Variants in UBE3A observed in about 807,000 individuals in gnomAD.
The protein encoded by UBE3A is ubiquitin protein ligase E3A.
Under a neutral mutation model 83.4 loss-of-function variants are expected in UBE3A, and 6 were observed. That is an observed-to-expected ratio of 0.07 (90% CI 0.04 to 0.14). UBE3A has a LOEUF of 0.14. Among genes scored for constraint, UBE3A ranks in the 10% least tolerant of loss-of-function variants. The probability of loss-of-function intolerance (pLI) is 1.00; values close to 1 mark genes in which losing one functional copy is unlikely to be tolerated. For synonymous variants in UBE3A, 337 were observed against 355.4 expected (o/e 0.95, Z 0.58); for missense variants, 456 against 1,036.1 (o/e 0.44, Z 7.69).
At chr15:25,420,598 TA>T (rs759878697) in intron 1 of UBE3A, 88 of 152,208 alleles carry the variant, frequency 5.8e-4, no homozygotes, top group Non-Finnish European at 1.1e-3. Flanking sequence ...ATTAAGACCA[TA>T]ATGACTTTTT....
At chr15:25,432,781 T>C (rs1400467771) in intron 1 of UBE3A, among the ~76,000 whole-genome samples, 1 of 152,202 alleles carries the variant, frequency 6.6e-6, no homozygotes, top group Admixed American at 6.5e-5. Context: ...CCTACTTGTA[T>C]GAGTGTTCAG....
chr15:25,421,246 C>A (rs551791555), intron 1 of UBE3A, among the ~76,000 whole-genome samples: 131 of 152,270 alleles, frequency 8.6e-4, no homozygotes, highest in Non-Finnish European at 1.5e-3. Flanking sequence ...ATATGACACG[C>A]CTGCTCCCCC....
chr15:25,338,966 A>G lies in UBE3A; in HGVS notation c.*171T>C. ...TGTTCCAGCCCACATGTCCCCAATA[A>G]AGAAGGGAGGCACAGACATAGGTGA... On this transcript the variant is annotated 3_prime_UTR_variant, in exon 13 of 13. Coordinates refer to ENST00000648336, the MANE Select transcript of UBE3A (RefSeq NM_130839.5). 1 of 545,470 alleles carries G rather than the reference A, an allele frequency of 1.8e-6. No homozygotes were observed. The highest frequency in any genetic ancestry group is 3.8e-5 in the South Asian group (1 of 26,614). 33.8% of individuals were successfully genotyped at this position (545,470 alleles called of 1,614,324 possible).
In UBE3A at chr15:25,354,358, C is replaced by G; in HGVS notation, c.2349G>C (p.Leu783=). The stretch of plus-strand genomic sequence containing the variant: ...TGAAGAACTAAGTACCTCACCTAAT[C>G]AGAACAGAGTCCCTGGTATAGCCAC... ...YDGGYTRDSV[L]IREFWEIVHS... is the part of the protein sequence containing the mutation. Residue 783 remains leucine (L), a synonymous_variant, in exon 11 of 13, where the codon CTG becomes CTC. Coordinates refer to ENST00000648336, the MANE Select transcript of UBE3A (RefSeq NM_130839.5). 1.2e-6 allele frequency: 2 copies of G among 1,613,160 alleles called. No homozygotes were observed. Among genetic ancestry groups the G allele is most frequent in the South Asian group, 2.2e-5 (2 of 91,034 alleles).
At chr15:25,367,163 G>A (rs904229591) in intron 6 of UBE3A, among the ~76,000 whole-genome samples, 4 of 99,482 alleles carry the variant, frequency 4.0e-5, no homozygotes, top group Admixed American at 2.2e-4. Context: ...ACACAAATGG[G>A]TATATTTACA....
intron 1 of UBE3A, chr15:25,437,990 G>C (rs74878801): frequency 6.6e-6 from 1 of 152,350 alleles, no homozygotes; most frequent in East Asian, 1.9e-4. Context: ...CAACCCTTGG[G>C]CTTGACATAC....
At position 25,360,515 on chromosome 15, in the gene UBE3A, C is replaced by T. The variant is rs755392575; in HGVS notation, c.1621G>A (p.Ala541Thr). Residue 541 changes from alanine to threonine, a missense_variant, in exon 7 of 13, where the codon GCT (alanine) becomes ACT (threonine). This residue lies in a region of UBE3A where 58 missense variants were observed against 237.1 expected (regional missense o/e 0.24). Transcript: ENST00000648336. Reference protein sequence around the residue: ...DDALVRLEMIAMENPADLKKQ... With the variant: ...DDALVRLEMITMENPADLKKQ... The stretch of plus-strand genomic sequence containing the variant: ...TTCAAGTCTGCAGGATTTTCCATAG[C>T]GATCATCTCTAGCTAGTGATTGAAA... 1 of 1,613,430 alleles carries T rather than the reference C, an allele frequency of 6.2e-7. No individual in the cohort carries two copies. Among genetic ancestry groups the T allele is most frequent in the South Asian group, 1.1e-5 (1 of 91,070 alleles).
At chr15:25,359,103 T>C (rs149662890) in intron 7 of UBE3A, among the ~76,000 whole-genome samples, 1 of 152,290 alleles carries the variant, frequency 6.6e-6, no homozygotes, top group East Asian at 1.9e-4. Context: ...AACCTCCTGG[T>C]AAAATACTCC....
At chr15:25,367,898 G>A (rs925304522) in intron 6 of UBE3A, among the ~76,000 whole-genome samples, 1 of 152,004 alleles carries the variant, frequency 6.6e-6, no homozygotes, top group South Asian at 2.1e-4. Context: ...ACATACAAGA[G>A]TCTCATATAT....
intron 3 of UBE3A, chr15:25,407,503 A>G (rs2088915870): frequency 6.4e-6 from 1 of 155,328 alleles, no homozygotes; most frequent in Admixed American, 6.5e-5. Flanking sequence ...TTATCAAATG[A>G]TAACTACATC....
At chr15:25,388,119 A>G (rs1296632679) in intron 4 of UBE3A, among the ~76,000 whole-genome samples, 1 of 152,218 alleles carries the variant, frequency 6.6e-6, no homozygotes, top group Non-Finnish European at 1.5e-5. Flanking sequence ...GTATGAAGTC[A>G]GCATTACTCT....
At chr15:25,353,265 G>A (rs1473140566) in intron 11 of UBE3A, among the ~76,000 whole-genome samples, 1 of 152,148 alleles carries the variant, frequency 6.6e-6, no homozygotes, top group Non-Finnish European at 1.5e-5. Flanking sequence ...CCAGAAAGAA[G>A]AAATACTGGT....
chr15:25,387,349 G>A (rs11858841), intron 4 of UBE3A, among the ~76,000 whole-genome samples: 18,152 of 151,892 alleles, frequency 0.12, 1,430 homozygotes, highest in East Asian at 0.43. Context: ...GTGAAACCCC[G>A]TCTCTACTAA....
rs2081117253 is a variant in UBE3A at position 25,375,861 on chromosome 15, G to C, written c.63-98C>G. The C allele has an allele frequency of 2.2e-6, 3 of 1,363,448 alleles. No homozygotes were observed. The Admixed American group carries it at 5.5e-5, about 25-fold the overall frequency. 84.5% of individuals were successfully genotyped at this position (1,363,448 alleles called of 1,614,324 possible). On this transcript the variant is annotated intron_variant, in intron 4 of 12. Transcript: ENST00000648336. Reference sequence around the variant, plus strand: ...AGGCAAAAGTTAGTCAAGCACTGAAGTGATTAACCTGTGTATGAAGATGAG... The same window carrying C: ...AGGCAAAAGTTAGTCAAGCACTGAACTGATTAACCTGTGTATGAAGATGAG...
chr15:25,407,206 T>C, intron 3 of UBE3A: 1 of 1,309,468 alleles, frequency 7.6e-7, no homozygotes, highest in South Asian at 1.2e-5. Flanking sequence ...CAGCATCAGA[T>C]GTCATACTGT....
At position 25,334,533 on chromosome 15, in the gene UBE3A, G is replaced by A. The variant is rs2073866544; in HGVS notation, c.*4604C>T. On this transcript the variant is annotated 3_prime_UTR_variant, in exon 13 of 13. Transcript: ENST00000648336. ...TATCAAGATCCCAGCTGTTTTGCAG[G>A]AATTGACACAATGATCATATAAAAA... 1 of 150,862 alleles carries A rather than the reference G, an allele frequency of 6.6e-6. No individual in the cohort carries two copies. 9.3% of individuals were successfully genotyped at this position (150,862 alleles called of 1,614,324 possible).
At chr15:25,382,292 G>C (rs2082306620) in intron 4 of UBE3A, among the ~76,000 whole-genome samples, 1 of 151,710 alleles carries the variant, frequency 6.6e-6, no homozygotes, top group South Asian at 2.1e-4. Flanking sequence ...CTGCACTGTG[G>C]CCTGGGCAAA....
rs2074108667 is a variant in UBE3A at position 25,338,056 on chromosome 15, T to C, written c.*1081A>G. 6.6e-6 allele frequency: 1 copy of C among 152,192 alleles called. No homozygotes were observed. Among genetic ancestry groups the C allele is most frequent in the Non-Finnish European group, 1.5e-5 (1 of 68,016 alleles). 9.4% of individuals were successfully genotyped at this position (152,192 alleles called of 1,614,324 possible). A position where few individuals can be genotyped will look rare whatever the true frequency, so the allele number is the denominator to read the frequency against. On this transcript the variant is annotated 3_prime_UTR_variant, in exon 13 of 13. Coordinates refer to ENST00000648336, the MANE Select transcript of UBE3A (RefSeq NM_130839.5). ...AGTAACACAAGGCACAGTAGCCATC[T>C]TTTTCATTATGTTGCAACACTGATC...
chr15:25,400,676 C>A (rs116412630), intron 4 of UBE3A, among the ~76,000 whole-genome samples: 9 of 152,118 alleles, frequency 5.9e-5, no homozygotes, highest in African/African-American at 2.2e-4. Flanking sequence ...TACAACTTTA[C>A]TGAATTTATC....
Sources: allele counts gnomAD v4.1 joint callset (sites outside exome capture counted in the v4.1 genomes callset), GRCh38; gene constraint gnomAD v4.1.1; regional missense constraint gnomAD v4.1.1; transcripts MANE v1.5; gene names NCBI Gene and HGNC (gene_info 2026-07-23, HGNC 2026-07-21).